Variants in HHIP observed in about 807,000 individuals in gnomAD.
The protein encoded by HHIP is hedgehog interacting protein, also known as hedgehog-interacting protein.
A neutral mutation model predicts 74.0 loss-of-function variants in HHIP; 12 were observed. The observed-to-expected ratio is 0.16, with a 90% CI of 0.10 to 0.26. The LOEUF (loss-of-function observed/expected upper bound fraction) is 0.26, where lower values mean the gene tolerates loss of function less well. Ranked by LOEUF, HHIP falls within the 10% of genes least tolerant of loss-of-function variation. The probability of loss-of-function intolerance (pLI) is 1.00; values close to 1 mark genes in which losing one functional copy is unlikely to be tolerated. For synonymous variants in HHIP, 309 were observed against 311.6 expected (o/e 0.99, Z 0.09); for missense variants, 788 against 845.0 (o/e 0.93, Z 0.84).
chr4:144,713,365 T>G (rs1730353942), intron 8 of HHIP, among the ~76,000 whole-genome samples: 1 of 152,102 alleles, frequency 6.6e-6, no homozygotes, highest in African/African-American at 2.4e-5. Flanking sequence ...TCTCTTATCT[T>G]TTCTACTTTT....
chr4:144,647,988 T>TAA (rs76968227), intron 1 of HHIP, among the ~76,000 whole-genome samples: 9 of 147,944 alleles, frequency 6.1e-5, no homozygotes, highest in African/African-American at 2.2e-4. Context: ...CCAGGCATAA[T>TAA]AAAAAAAAAA....
intron 4 of HHIP, among the ~76,000 whole-genome samples, chr4:144,676,236 A>G (rs1468409514): frequency 6.6e-6 from 1 of 152,150 alleles, no homozygotes; most frequent in Non-Finnish European, 1.5e-5. Context: ...CCCCACTCTA[A>G]ATTGTTTATA....
chr4:144,662,116 C>A (rs1464439992), intron 4 of HHIP, among the ~76,000 whole-genome samples: 1 of 152,156 alleles, frequency 6.6e-6, no homozygotes, highest in Non-Finnish European at 1.5e-5. Context: ...TTTCTAAAAT[C>A]TATTGCTGGC....
chr4:144,677,176 G>T (rs1487404920), intron 4 of HHIP, among the ~76,000 whole-genome samples: 2 of 152,162 alleles, frequency 1.3e-5, no homozygotes, highest in Admixed American at 6.5e-5. Context: ...TCTTCCCCTT[G>T]TACAGGATTT....
intron 4 of HHIP, among the ~76,000 whole-genome samples, chr4:144,697,162 A>G (rs1729843744): frequency 6.6e-6 from 1 of 152,026 alleles, no homozygotes; most frequent in African/African-American, 2.4e-5. Flanking sequence ...ATATTCTTAT[A>G]GTTTTGTTAA....
chr4:144,723,580 C>A (rs1435415718), intron 11 of HHIP, among the ~76,000 whole-genome samples: 1 of 152,196 alleles, frequency 6.6e-6, no homozygotes, highest in Non-Finnish European at 1.5e-5. Context: ...AGTCCCAATT[C>A]ATCAGCCAAA....
At chr4:144,692,193 TA>T (rs892942480) in intron 4 of HHIP, among the ~76,000 whole-genome samples, 184 of 150,522 alleles carry the variant, frequency 1.2e-3, no homozygotes, top group African/African-American at 4.3e-3. Flanking sequence ...GCCTTTACAA[TA>T]AAAAAAAAGC....
At chr4:144,690,449 C>A (rs973232187) in intron 4 of HHIP, among the ~76,000 whole-genome samples, 1 of 152,134 alleles carries the variant, frequency 6.6e-6, no homozygotes, top group Admixed American at 6.5e-5. Context: ...GAGGACTTTG[C>A]AGAAGTGCTG....
chr4:144,687,044 T>A (rs1370167573), intron 4 of HHIP, among the ~76,000 whole-genome samples: 1 of 152,246 alleles, frequency 6.6e-6, no homozygotes. Flanking sequence ...CAAGTGTGAT[T>A]TATTTTTTGG....
At chr4:144,713,494 A>G (rs887586736) in intron 8 of HHIP, among the ~76,000 whole-genome samples, 1 of 152,192 alleles carries the variant, frequency 6.6e-6, no homozygotes, top group Non-Finnish European at 1.5e-5. Flanking sequence ...TCTTAAATAC[A>G]TAAAAGGTAA....
At chr4:144,715,090 C>G in intron 9 of HHIP, 1 of 429,918 alleles carries the variant, frequency 2.3e-6, no homozygotes, top group Non-Finnish European at 4.3e-6. Context: ...TTAGTGCCCC[C>G]TCCAAACAAA....
chr4:144,688,093 C>A (rs137874850), intron 4 of HHIP, among the ~76,000 whole-genome samples: 1 of 152,230 alleles, frequency 6.6e-6, no homozygotes, highest in Non-Finnish European at 1.5e-5. Flanking sequence ...AAAACCCAGC[C>A]TGTGAACGCA....
chr4:144,724,869 T>C lies in HHIP; in HGVS notation c.1760+5913T>C, dbSNP rs140113602. Among the ~76,000 whole-genome samples the C allele has an allele frequency of 1.3e-3, 202 of 151,922 alleles. 2 individuals are homozygous for C. Among genetic ancestry groups the C allele is most frequent in the African/African-American group, 4.7e-3 (194 of 41,498 alleles). On this transcript the variant is annotated intron_variant, in intron 11 of 12. Transcript: ENST00000296575. ...TCTTTAGTAATTGGATAGATTGCTA[T>C]GAAAACTTGACTGAATTGCCACTTC... is the stretch of plus-strand genomic sequence containing the variant.
At position 144,646,652 on chromosome 4, in the gene HHIP, A is replaced by G. The variant is rs1346641296; in HGVS notation, c.-24A>G. The stretch of plus-strand genomic sequence containing the variant: ...CGTTCCCCCCCATCCTCCCGCGCCC[A>G]GCCCCTGCTGCTCTGGGCAGACGAT... On this transcript the variant is annotated 5_prime_UTR_variant, in exon 1 of 13. Transcript: ENST00000296575. 1.9e-6 allele frequency: 3 copies of G among 1,605,312 alleles called. No homozygotes were observed. The African/African-American group carries it at 4.0e-5, about 22-fold the overall frequency.
rs1372602429 is a variant in HHIP at position 144,706,659 on chromosome 4, G to A, written c.960G>A (p.Arg320=). 3 of 1,613,248 alleles carry A rather than the reference G, an allele frequency of 1.9e-6. No individual in the cohort carries two copies. The highest frequency in any genetic ancestry group is 2.7e-5 in the African/African-American group (2 of 74,880). The change falls in exon 5 of 13, where the codon AGG becomes AGA. Residue 320 remains arginine, a synonymous_variant. Coordinates refer to ENST00000296575, the MANE Select transcript of HHIP (RefSeq NM_022475.3). The part of the protein sequence containing the change: ...WAIGPHDHIL[R]VVEYTVSRKN... ...TCGGGCCTCATGACCACATTCTTAG[G>A]GTTGTGGAATACACAGTATCCAGGT...
intron 4 of HHIP, among the ~76,000 whole-genome samples, chr4:144,705,457 T>C (rs1730108619): frequency 6.6e-6 from 1 of 152,214 alleles, no homozygotes; most frequent in Non-Finnish European, 1.5e-5. Context: ...TTTAATGGAA[T>C]AAATAAGGTG....
rs1211272943 is a variant in HHIP, at chr4:144,738,785, T to C, written c.*828T>C. On this transcript the variant is annotated 3_prime_UTR_variant, in exon 13 of 13. Coordinates refer to ENST00000296575, the MANE Select transcript of HHIP (RefSeq NM_022475.3). ...ACTAAAGTTACATTTTTCACCAACT[T>C]AATTGGAAAGAAGGGGAGTGAGAAA... The C allele has an allele frequency of 1.9e-5, 13 of 692,372 alleles. No homozygotes were observed. The highest frequency in any genetic ancestry group is 2.3e-5 in the Non-Finnish European group (13 of 562,508). 42.9% of individuals were successfully genotyped at this position (692,372 alleles called of 1,614,324 possible). A position where few individuals can be genotyped will look rare whatever the true frequency, so the allele number is the denominator to read the frequency against.
chr4:144,716,781 G>A (rs912510676), intron 10 of HHIP, among the ~76,000 whole-genome samples: 15 of 148,044 alleles, frequency 1.0e-4, no homozygotes, highest in African/African-American at 3.0e-4. Flanking sequence ...CCCTGGAGGC[G>A]GAGGTTGCAG....
chr4:144,654,336 T>C (rs1213815681), intron 2 of HHIP, among the ~76,000 whole-genome samples: 1 of 152,188 alleles, frequency 6.6e-6, no homozygotes, highest in African/African-American at 2.4e-5. Context: ...TTTGTATATA[T>C]GTAAAACTGC....
Sources: allele counts gnomAD v4.1 joint callset (sites outside exome capture counted in the v4.1 genomes callset), GRCh38; gene constraint gnomAD v4.1.1; transcripts MANE v1.5; gene names NCBI Gene and HGNC (gene_info 2026-07-23, HGNC 2026-07-21).